Variants in DOK6 observed in about 807,000 individuals in gnomAD.
DOK6 encodes downstream of tyrosine kinase 6.
Under a neutral mutation model 44.0 loss-of-function variants are expected in DOK6, and 22 were observed. That is an observed-to-expected ratio of 0.50 (90% CI 0.36 to 0.71). DOK6 has a LOEUF of 0.71. DOK6 is among the 30% of genes least tolerant of loss of function. The pLI is 0.00. For missense variants in DOK6, 340 were observed against 416.4 expected, an observed-to-expected ratio of 0.82 and a Z score of 1.60; for synonymous variants, 166 against 145.5, an observed-to-expected ratio of 1.14 and a Z score of -1.01.
At position 69,423,301 on chromosome 18, in the gene DOK6, C is replaced by CAACAAACA. The variant is rs71176964; in HGVS notation, c.66+22002_66+22009dup. The stretch of plus-strand genomic sequence containing the variant: ...TGGACAACAGAGTGAGATCCTGTCT[C>CAACAAACA]AACAAACAAACAAACAAAAACAACA... On this transcript the variant is annotated intron_variant, in intron 1 of 7. Coordinates refer to ENST00000382713, the MANE Select transcript of DOK6 (RefSeq NM_152721.6). 1.3e-3 allele frequency among the ~76,000 whole-genome samples: 191 copies of CAACAAACA among 151,504 alleles called. 1 individual carries two copies. The highest frequency in any genetic ancestry group is 4.1e-3 in the African/African-American group (168 of 41,272).
rs1986783925 is a variant in DOK6 at position 69,712,328 on chromosome 18, T to TAAA, written c.599+13735_599+13736insAAA. 8.6e-4 allele frequency among the ~76,000 whole-genome samples: 29 copies of TAAA among 33,724 alleles called. 6 individuals are homozygous for TAAA. The highest frequency in any genetic ancestry group is 1.4e-3 in the Non-Finnish European group (23 of 16,906). 22.1% of individuals were successfully genotyped at this position (33,724 alleles called of 152,430 possible). A position where few individuals can be genotyped will look rare whatever the true frequency, so the allele number is the denominator to read the frequency against. On this transcript the variant is annotated intron_variant, in intron 5 of 7. Coordinates refer to ENST00000382713, the MANE Select transcript of DOK6 (RefSeq NM_152721.6). Reference sequence around the variant, plus strand: ...AAAAAAAAAAAAAAAAAAAAAAAATTTAACCTTTTCCGAATCACATTTGTG... The same window carrying TAAA: ...AAAAAAAAAAAAAAAAAAAAAAAATTAAATAACCTTTTCCGAATCACATTTGTG...
chr18:69,638,565 C>A (rs1350365649), intron 3 of DOK6, among the ~76,000 whole-genome samples: 1 of 151,736 alleles, frequency 6.6e-6, no homozygotes, highest in Admixed American at 6.6e-5. Flanking sequence ...CAATTTGTAC[C>A]AGATCAAGTT....
At chr18:69,769,708 G>A (rs1979832360) in intron 7 of DOK6, among the ~76,000 whole-genome samples, 1 of 152,048 alleles carries the variant, frequency 6.6e-6, no homozygotes, top group African/African-American at 2.4e-5. Flanking sequence ...ATAAACTGCT[G>A]TATATAAAAT....
intron 7 of DOK6, among the ~76,000 whole-genome samples, chr18:69,768,897 A>G (rs1244394682): frequency 6.6e-6 from 1 of 150,774 alleles, no homozygotes; most frequent in Non-Finnish European, 1.5e-5. Context: ...TTTGAAACTC[A>G]GGAGCATGGT....
intron 1 of DOK6, among the ~76,000 whole-genome samples, chr18:69,431,583 C>T (rs1161068915): frequency 1.3e-5 from 2 of 152,128 alleles, no homozygotes; most frequent in East Asian, 1.9e-4. Context: ...AACTTTGCAT[C>T]GGGCGCTACC....
intron 3 of DOK6, among the ~76,000 whole-genome samples, chr18:69,633,794 T>C (rs8098092): frequency 0.95 from 144,814 of 152,130 alleles, 69,333 homozygotes; most frequent in East Asian, 1. Context: ...AAGGAGTATA[T>C]GTTGAAGAAA....
chr18:69,726,682 T>C (rs1192296963), intron 5 of DOK6, among the ~76,000 whole-genome samples: 3 of 143,602 alleles, frequency 2.1e-5, no homozygotes, highest in South Asian at 2.2e-4. Flanking sequence ...TATATATACA[T>C]ATATTTTTTT....
intron 7 of DOK6, among the ~76,000 whole-genome samples, chr18:69,816,621 G>A (rs943599241): frequency 6.6e-6 from 1 of 152,176 alleles, no homozygotes; most frequent in Non-Finnish European, 1.5e-5. Context: ...CCTAAGCCAT[G>A]AAGTAGGTAT....
intron 2 of DOK6, among the ~76,000 whole-genome samples, chr18:69,576,398 A>AC (rs1491469545): frequency 1.3e-5 from 2 of 151,918 alleles, no homozygotes; most frequent in African/African-American, 2.4e-5. Context: ...TTATGCTGTA[A>AC]CACTCAATAG....
At position 69,675,572 on chromosome 18, in the gene DOK6, G is replaced by C. The variant is rs142516241; in HGVS notation, c.290-2162G>C. On this transcript the variant is annotated intron_variant, in intron 3 of 7. Coordinates refer to ENST00000382713, the MANE Select transcript of DOK6 (RefSeq NM_152721.6). ...AAAAACATACCTAATGTTAAATGAC[G>C]AATTAATGGGTGCAGCACACCAATA... is the stretch of plus-strand genomic sequence containing the variant. Among the ~76,000 whole-genome samples, 196 of 152,138 alleles carry C rather than the reference G, an allele frequency of 1.3e-3. 1 individual carries two copies. Among genetic ancestry groups the C allele is most frequent in the African/African-American group, 4.5e-3 (185 of 41,514 alleles).
intron 3 of DOK6, among the ~76,000 whole-genome samples, chr18:69,638,783 G>T (rs1235305501): frequency 6.6e-6 from 1 of 152,094 alleles, no homozygotes; most frequent in Admixed American, 6.5e-5. Context: ...TTTGATGCCT[G>T]TTTAAGAAAA....
chr18:69,726,751 G>A (rs1310872644), intron 5 of DOK6, among the ~76,000 whole-genome samples: 1 of 151,714 alleles, frequency 6.6e-6, no homozygotes, highest in Non-Finnish European at 1.5e-5. Context: ...TTTGGTGTCT[G>A]ATGGGAGCCC....
chr18:69,735,109 G>T (rs527746618), intron 5 of DOK6, among the ~76,000 whole-genome samples: 1 of 152,220 alleles, frequency 6.6e-6, no homozygotes, highest in East Asian at 1.9e-4. Context: ...CATGATCCCT[G>T]GTTATTTTTT....
intron 1 of DOK6, among the ~76,000 whole-genome samples, chr18:69,487,219 G>GTGTGTC (rs1568273677): frequency 3.0e-5 from 4 of 135,374 alleles, no homozygotes; most frequent in Non-Finnish European, 4.9e-5. Context: ...GTGTGTGTGT[G>GTGTGTC]TGTCTGTCTG....
chr18:69,762,648 AT>A, intron 7 of DOK6, among the ~76,000 whole-genome samples: 1 of 152,360 alleles, frequency 6.6e-6, no homozygotes, highest in African/African-American at 2.4e-5. Flanking sequence ...ACTTTCATAT[AT>A]TTAAAGTTTA....
At chr18:69,427,193 CCT>C (rs946265781) in intron 1 of DOK6, among the ~76,000 whole-genome samples, 3 of 150,752 alleles carry the variant, frequency 2.0e-5, no homozygotes, top group South Asian at 2.1e-4. Context: ...TCTCCCTCTC[CCT>C]CTCTCTCTCT....
chr18:69,701,447 A>G (rs1367228682), intron 5 of DOK6, among the ~76,000 whole-genome samples: 1 of 152,248 alleles, frequency 6.6e-6, no homozygotes, highest in African/African-American at 2.4e-5. Flanking sequence ...AAGTGATAAG[A>G]TTCATGATTA....
chr18:69,687,825 T>C (rs1444065861), intron 4 of DOK6, among the ~76,000 whole-genome samples: 1 of 152,194 alleles, frequency 6.6e-6, no homozygotes, highest in Non-Finnish European at 1.5e-5. Context: ...AAGATATCTT[T>C]CTCATTACTT....
At chr18:69,765,871 A>C (rs1979697698) in intron 7 of DOK6, among the ~76,000 whole-genome samples, 1 of 152,166 alleles carries the variant, frequency 6.6e-6, no homozygotes, top group Admixed American at 6.5e-5. Flanking sequence ...GATCATCAAC[A>C]TAAGATGTCA....
Sources: gnomAD v4.1 joint callset for allele counts (sites outside exome capture counted in the v4.1 genomes callset) on GRCh38, gnomAD v4.1.1 for gene constraint, MANE v1.5 for transcripts, NCBI Gene and HGNC (gene_info 2026-07-23, HGNC 2026-07-21) for gene names.